The following MELTF variants were observed in gnomAD, a reference collection of about 807,000 sequenced individuals.
The protein encoded by MELTF is melanotransferrin, also known as antigen p97 (melanoma associated) identified by monoclonal antibodies 133.2 and 96.5.
In MELTF, 67 loss-of-function variants were observed where a neutral mutation model predicts 83.7. The ratio of observed to expected loss-of-function variants is 0.80; its 90% confidence interval spans 0.66 to 0.98. The LOEUF is 0.98. Ranked by LOEUF, MELTF falls within the 50% of genes least tolerant of loss-of-function variation. The probability of loss-of-function intolerance (pLI) is 0.00; values close to 1 mark genes in which losing one functional copy is unlikely to be tolerated. For synonymous variants in MELTF, 462 were observed against 447.6 expected (o/e 1.03, Z -0.41); for missense variants, 1,002 against 1,035.6 (o/e 0.97, Z 0.44).
chr3:197,019,075 C>G, intron 6 of MELTF: 1 of 985,474 alleles, frequency 1.0e-6, no homozygotes, highest in Non-Finnish European at 1.2e-6. Flanking sequence ...TATTTTAAAA[C>G]AAAACCAAAC....
At position 197,009,710 on chromosome 3, in the gene MELTF, G is replaced by C. The variant is rs770926832; in HGVS notation, c.1433C>G (p.Ala478Gly). Reference protein sequence around the residue: ...DELRGKRSCHAGFGSPAGWDV... With the variant: ...DELRGKRSCHGGFGSPAGWDV... Reference sequence around the variant, plus strand: ...CCAGCCTGCAGGGCTGCCGAAACCGGCGTGGCAGGAGCGCTTGCCCCGAAG... The same window carrying C: ...CCAGCCTGCAGGGCTGCCGAAACCGCCGTGGCAGGAGCGCTTGCCCCGAAG... Residue 478 changes from alanine to glycine, a missense_variant, in exon 11 of 16, where the codon GCC becomes GGC. Coordinates refer to ENST00000296350, the MANE Select transcript of MELTF (RefSeq NM_005929.6). The C allele has an allele frequency of 1.2e-6, 2 of 1,613,616 alleles. No individual in the cohort carries two copies. The highest frequency in any genetic ancestry group is 3.3e-5 in the Admixed American group (2 of 60,016).
At chr3:197,021,514 C>A in intron 5 of MELTF, 43 bp from the exon 6 acceptor site, 1 of 1,582,200 alleles carries the variant, frequency 6.3e-7, no homozygotes, top group Non-Finnish European at 8.7e-7. Flanking sequence ...TGAGCCCCTG[C>A]CCCTGCCCAT....
At chr3:197,013,441 G>A (rs776169380) in intron 9 of MELTF, among the ~76,000 whole-genome samples, 5 of 152,190 alleles carry the variant, frequency 3.3e-5, no homozygotes, top group Admixed American at 6.5e-5. Flanking sequence ...TAGGCAAAAC[G>A]CTTCAGGACA....
In MELTF at chr3:197,005,324, C is replaced by T. The variant is rs112570828; in HGVS notation, c.1938+1225G>A. 1.9e-4 allele frequency among the ~76,000 whole-genome samples: 29 copies of T among 152,290 alleles called. 1 individual carries two copies. Among genetic ancestry groups the T allele is most frequent in the East Asian group, 7.7e-4 (4 of 5,190 alleles). Reference sequence around the variant, plus strand: ...GAAGTGGGGAAGACTGAAGGAGGGACGGGGGTCCAACTTTGGACTTGATCC... The same window carrying T: ...GAAGTGGGGAAGACTGAAGGAGGGATGGGGGTCCAACTTTGGACTTGATCC... On this transcript the variant is annotated intron_variant, in intron 14 of 15. Coordinates refer to ENST00000296350, the MANE Select transcript of MELTF (RefSeq NM_005929.6).
chr3:197,006,433 T>G lies in MELTF; in HGVS notation c.1938+116A>C, dbSNP rs1718977954. 5 of 879,036 alleles carry G rather than the reference T, an allele frequency of 5.7e-6. No individual in the cohort carries two copies. In the Admixed American group the frequency reaches 1.4e-4, roughly 24 times the overall value. The allele number at this position is 879,036 out of a possible 1,614,324, so 54.5% of individuals were successfully genotyped here. ...TTGCGTAAGTGAAAATCACAGAATT[T>G]CCCCCGGGCTTCCTCAATTTCTCTA... On this transcript the variant is annotated intron_variant, in intron 14 of 15. Transcript: ENST00000296350. This position sits in a 1 kb window ranked among gnomAD's most constrained non-coding sequence, Gnocchi z 5.4.
chr3:197,022,883 A>G lies in MELTF; in HGVS notation c.644+74T>C. The G allele has an allele frequency of 1.4e-6, 2 of 1,429,276 alleles. No homozygotes were observed. The highest frequency in any genetic ancestry group is 1.3e-5 in the South Asian group (1 of 76,300). The allele number at this position is 1,429,276 out of a possible 1,614,324, so 88.5% of individuals were successfully genotyped here. A position where few individuals can be genotyped will look rare whatever the true frequency, so the allele number is the denominator to read the frequency against. ...CCCCTCCACGGCCCTCTCTGGGCAAAGGTGTTTTTCCCCAGCATTTGTGGC... is the reference window on the plus strand; with the variant it reads ...CCCCTCCACGGCCCTCTCTGGGCAAGGGTGTTTTTCCCCAGCATTTGTGGC... On this transcript the variant is annotated intron_variant, in intron 5 of 15. Coordinates refer to ENST00000296350, the MANE Select transcript of MELTF (RefSeq NM_005929.6). This position sits in a 1 kb window ranked among gnomAD's most constrained non-coding sequence, Gnocchi z 5.1.
Position 197,002,643 on chromosome 3 carries a change from G to T in MELTF, c.*729C>A, listed in dbSNP as rs1258711475. The T allele has an allele frequency of 6.6e-6, 1 of 152,310 alleles. No homozygotes were observed. Among genetic ancestry groups the T allele is most frequent in the Non-Finnish European group, 1.5e-5 (1 of 68,166 alleles). The allele number at this position is 152,310 out of a possible 1,614,324, so 9.4% of individuals were successfully genotyped here. ...CCAGGCTCGGGCGTGGGTGCGGGCGGTGGGCATCCCACGGGGGTAGGGGAG... is the reference window on the plus strand; with the variant it reads ...CCAGGCTCGGGCGTGGGTGCGGGCGTTGGGCATCCCACGGGGGTAGGGGAG... On this transcript the variant is annotated 3_prime_UTR_variant, in exon 16 of 16. Coordinates refer to ENST00000296350, the MANE Select transcript of MELTF (RefSeq NM_005929.6).
rs1262739184 is a variant in MELTF at position 197,003,072 on chromosome 3, G to GGGCGGGC, written c.*293_*299dup. 1 of 151,744 alleles carries GGGCGGGC rather than the reference G, an allele frequency of 6.6e-6. No homozygotes were observed. Among genetic ancestry groups the GGGCGGGC allele is most frequent in the Non-Finnish European group, 1.4e-5 (1 of 69,178 alleles). The allele number at this position is 151,744 out of a possible 1,614,324, so 9.4% of individuals were successfully genotyped here. ...GGCGGGCCCCTCGGGCGACACCGCG[G>GGGCGGGC]GGCGGGCGGCGGGAAGCCCGGACTC... On this transcript the variant is annotated 3_prime_UTR_variant, in exon 16 of 16. Coordinates refer to ENST00000296350, the MANE Select transcript of MELTF (RefSeq NM_005929.6). The surrounding 1 kb of genome is among the most constrained non-coding windows in gnomAD (Gnocchi z 6.2).
At position 197,024,205 on chromosome 3, in the gene MELTF, G is replaced by T; in HGVS notation, c.487+98C>A. ...CGCCTTCCAGGAATGAAGAATGGTG[G>T]CGAGGCCGGAGGGAGGCTACCCAGT... On this transcript the variant is annotated intron_variant, in intron 4 of 15. Transcript: ENST00000296350. This position sits in a 1 kb window ranked among gnomAD's most constrained non-coding sequence, Gnocchi z 5.3. The T allele has an allele frequency of 7.6e-7, 1 of 1,318,458 alleles. No individual in the cohort carries two copies. Among genetic ancestry groups the T allele is most frequent in the Non-Finnish European group, 1.0e-6 (1 of 961,700 alleles). 81.7% of individuals were successfully genotyped at this position (1,318,458 alleles called of 1,614,324 possible). A position where few individuals can be genotyped will look rare whatever the true frequency, so the allele number is the denominator to read the frequency against.
rs146597337 is a variant in MELTF, at chr3:197,024,366, C to T, written c.424G>A (p.Val142Met). The T allele has an allele frequency of 1.2e-4, 188 of 1,604,590 alleles. No individual in the cohort carries two copies. Among genetic ancestry groups the T allele is most frequent in the South Asian group, 2.2e-4 (20 of 90,724 alleles). ...TGINRTVGWN[V>M]PVGYLVESGR... is the part of the protein sequence containing the mutation. ...CTCTCCACCAGGTAGCCCACGGGCA[C>T]GTTCCAGCCCACTGTGCGATTGATG... is the stretch of plus-strand genomic sequence containing the variant. Residue 142 changes from valine to methionine, a missense_variant, in exon 4 of 16, where the codon GTG (valine) becomes ATG (methionine). Physicochemically the swap from Val to Met is conservative, Grantham distance 21. Transcript: ENST00000296350. The surrounding 1 kb of genome is among the most constrained non-coding windows in gnomAD (Gnocchi z 5.3).
Position 197,008,841 on chromosome 3 carries a change from C to T in MELTF, c.1650G>A (p.Gln550=), listed in dbSNP as rs774724427. 5 of 1,614,206 alleles carry T rather than the reference C, an allele frequency of 3.1e-6. No individual in the cohort carries two copies. The highest frequency in any genetic ancestry group is 3.4e-6 in the Non-Finnish European group (4 of 1,180,038). ...CGCCGCGGTAGCCGTAATACCGCTCCTGGCTGTTGCCCACACACTTGTTGC... is the reference window on the plus strand; with the variant it reads ...CGCCGCGGTAGCCGTAATACCGCTCTTGGCTGTTGCCCACACACTTGTTGC... ...QGRNKCVGNS[Q]ERYYGYRGAF... The change falls in exon 12 of 16, where the codon CAG becomes CAA. Residue 550 remains glutamine, a synonymous_variant. Coordinates refer to ENST00000296350, the MANE Select transcript of MELTF (RefSeq NM_005929.6). This position sits in a 1 kb window ranked among gnomAD's most constrained non-coding sequence, Gnocchi z 5.4.
At chr3:197,023,200 T>C in intron 4 of MELTF, 87 bp from the exon 5 acceptor site, 1 of 1,317,962 alleles carries the variant, frequency 7.6e-7, no homozygotes. Flanking sequence ...GCCCGGGCTC[T>C]CATCTGGACT....
intron 9 of MELTF, among the ~76,000 whole-genome samples, chr3:197,014,395 T>TTTG (rs1719288319): frequency 6.9e-6 from 1 of 145,510 alleles, no homozygotes; most frequent in African/African-American, 2.6e-5. Flanking sequence ...TTTTTTTTTT[T>TTTG]TTTTTTTTTT....
intron 9 of MELTF, among the ~76,000 whole-genome samples, chr3:197,013,760 C>T (rs1201074626): frequency 3.3e-5 from 5 of 152,228 alleles, no homozygotes; most frequent in Non-Finnish European, 1.5e-5. Flanking sequence ...CAGCAGCCAT[C>T]ACTGATCATC....
intron 5 of MELTF, 108 bp from the exon 6 acceptor site, chr3:197,021,579 G>C: frequency 1.0e-6 from 1 of 996,294 alleles, no homozygotes; most frequent in Non-Finnish European, 1.5e-6. Context: ...ATGGGCATGG[G>C]CTTTCCAGTT....
At chr3:197,027,374 C>T (rs1719898790) in intron 2 of MELTF, among the ~76,000 whole-genome samples, 1 of 152,254 alleles carries the variant, frequency 6.6e-6, no homozygotes, top group African/African-American at 2.4e-5. Context: ...ACCTGGGAGT[C>T]CAGCCCCTGC....
In MELTF at chr3:197,015,404, C is replaced by T; in HGVS notation, c.1194G>A (p.Val398=). The T allele has an allele frequency of 1.3e-6, 2 of 1,584,656 alleles. No homozygotes were observed. The highest frequency in any genetic ancestry group is 1.7e-6 in the Non-Finnish European group (2 of 1,166,082). The change falls in exon 9 of 16, where the codon GTG becomes GTA. Residue 398 remains valine (V), a synonymous_variant. Transcript: ENST00000296350. ...TGCAGTGTTGGGGGGACTTGGCTGA[C>T]ACGCACTGGATCTCTGGCTTGAGCC... is the stretch of plus-strand genomic sequence containing the variant. ...RQRLKPEIQC[V]SAKSPQHCME...
Position 197,029,769 on chromosome 3 carries a change from C to A in MELTF, c.-67G>T, listed in dbSNP as rs1327710845. On this transcript the variant is annotated 5_prime_UTR_variant, in exon 1 of 16. Coordinates refer to ENST00000296350, the MANE Select transcript of MELTF (RefSeq NM_005929.6). The surrounding 1 kb of genome is among the most constrained non-coding windows in gnomAD (Gnocchi z 6.5). The stretch of plus-strand genomic sequence containing the variant: ...CGGGTCCGAGGAGGTCCGCAGCAGC[C>A]GGGCTTCCTCCCTGCTCCCCCTCGC... 9 of 1,093,282 alleles carry A rather than the reference C, an allele frequency of 8.2e-6. No individual in the cohort carries two copies. Among genetic ancestry groups the A allele is most frequent in the Non-Finnish European group, 9.3e-6 (8 of 862,200 alleles). 67.7% of individuals were successfully genotyped at this position (1,093,282 alleles called of 1,614,324 possible).
In MELTF at chr3:197,011,631, C is replaced by A. The variant is rs895271318; in HGVS notation, c.1234-837G>T. Among the ~76,000 whole-genome samples, 1 of 152,112 alleles carries A rather than the reference C, an allele frequency of 6.6e-6. No individual in the cohort carries two copies. Among genetic ancestry groups the A allele is most frequent in the African/African-American group, 2.4e-5 (1 of 41,420 alleles). ...GGCCAGGAGGGTGCACAGCTCGGGG[C>A]CCTTTTTCCACCACTCAGACCTCCC... On this transcript the variant is annotated intron_variant, in intron 9 of 15. Coordinates refer to ENST00000296350, the MANE Select transcript of MELTF (RefSeq NM_005929.6). The surrounding 1 kb of genome is among the most constrained non-coding windows in gnomAD (Gnocchi z 4.2).
Sources: allele counts gnomAD v4.1 joint callset (sites outside exome capture counted in the v4.1 genomes callset), GRCh38; gene constraint gnomAD v4.1.1; non-coding constraint Gnocchi (gnomAD v3.1); transcripts MANE v1.5; gene names NCBI Gene and HGNC (gene_info 2026-07-23, HGNC 2026-07-21).